The following KLHL1 variants were observed in gnomAD, a reference collection of about 807,000 sequenced individuals.
KLHL1 encodes the protein kelch like family member 1.
Under a neutral mutation model 77.7 loss-of-function variants are expected in KLHL1, and 47 were observed. The ratio of observed to expected loss-of-function variants is 0.60; its 90% CI spans 0.48 to 0.77. The LOEUF is 0.77. KLHL1 is among the 30% of genes least tolerant of loss of function. The pLI, the probability that KLHL1 is intolerant of heterozygous loss-of-function variation, is 0.00. For missense variants in KLHL1, 925 were observed against 910.8 expected, an observed-to-expected ratio of 1.02 and a Z score of -0.20; for synonymous variants, 360 against 325.2, an observed-to-expected ratio of 1.11 and a Z score of -1.15.
intron 5 of KLHL1, among the ~76,000 whole-genome samples, chr13:69,861,692 G>A (rs1880167136): frequency 6.7e-6 from 1 of 148,434 alleles, no homozygotes; most frequent in Admixed American, 6.9e-5. Context: ...GCTCACGCCT[G>A]TAATCCCAGC....
intron 3 of KLHL1, among the ~76,000 whole-genome samples, chr13:69,954,251 T>A (rs998341249): frequency 6.6e-6 from 1 of 151,058 alleles, no homozygotes; most frequent in African/African-American, 2.4e-5. Flanking sequence ...TAGTGTTAAG[T>A]TCTACACACT....
chr13:69,929,841 A>G (rs1566413411), intron 4 of KLHL1, among the ~76,000 whole-genome samples: 1 of 151,870 alleles, frequency 6.6e-6, no homozygotes, highest in African/African-American at 2.4e-5. Flanking sequence ...AAATAAAACA[A>G]TGGCAACTCT....
intron 1 of KLHL1, among the ~76,000 whole-genome samples, chr13:70,069,427 GT>G (rs1887088330): frequency 6.6e-6 from 1 of 152,140 alleles, no homozygotes; most frequent in East Asian, 1.9e-4. Flanking sequence ...AATCATGTAT[GT>G]CTTTTAACAA....
At chr13:70,024,435 C>T (rs182826111) in intron 1 of KLHL1, among the ~76,000 whole-genome samples, 13 of 151,836 alleles carry the variant, frequency 8.6e-5, no homozygotes, top group African/African-American at 2.9e-4. Flanking sequence ...TGTTTTTCAC[C>T]AGGATAAAAT....
intron 1 of KLHL1, among the ~76,000 whole-genome samples, chr13:70,100,886 T>C (rs1887908161): frequency 6.6e-6 from 1 of 152,170 alleles, no homozygotes; most frequent in Non-Finnish European, 1.5e-5. Flanking sequence ...GTATTGGTCA[T>C]GACATTGAGA....
chr13:70,041,132 AT>A (rs546047839), intron 1 of KLHL1, among the ~76,000 whole-genome samples: 6 of 151,932 alleles, frequency 3.9e-5, no homozygotes, highest in Admixed American at 2.0e-4. Context: ...ATTTTAAAAA[AT>A]TTTTTTTATT....
intron 1 of KLHL1, among the ~76,000 whole-genome samples, chr13:69,986,105 A>C (rs1884863077): frequency 6.6e-6 from 1 of 151,630 alleles, no homozygotes. Context: ...CTATGTTCTC[A>C]CTTATGTGTA....
chr13:70,061,080 G>A (rs112632313), intron 1 of KLHL1, among the ~76,000 whole-genome samples: 4 of 152,132 alleles, frequency 2.6e-5, no homozygotes, highest in African/African-American at 9.6e-5. Context: ...AGGCTGGGAG[G>A]GGTCACTGGG....
chr13:69,930,609 C>A (rs1882969605), intron 4 of KLHL1, among the ~76,000 whole-genome samples: 1 of 151,910 alleles, frequency 6.6e-6, no homozygotes, highest in Non-Finnish European at 1.5e-5. Flanking sequence ...TACAACAAAG[C>A]AAACTTAACT....
intron 1 of KLHL1, among the ~76,000 whole-genome samples, chr13:70,066,716 G>A (rs1009811581): frequency 2.0e-5 from 3 of 152,164 alleles, no homozygotes; most frequent in Admixed American, 1.3e-4. Context: ...CCTTGTCAAT[G>A]TCAAAGCTGG....
intron 1 of KLHL1, among the ~76,000 whole-genome samples, chr13:70,019,889 A>G (rs979005149): frequency 1.3e-5 from 2 of 152,128 alleles, no homozygotes; most frequent in Admixed American, 1.3e-4. Flanking sequence ...TAGGTCATGA[A>G]GGCTCCATCC....
chr13:69,933,479 G>A (rs1883070596), intron 4 of KLHL1, among the ~76,000 whole-genome samples: 1 of 152,098 alleles, frequency 6.6e-6, no homozygotes, highest in Admixed American at 6.6e-5. Flanking sequence ...CATGAAACAT[G>A]TCGGGTATTT....
chr13:69,722,711 T>C (rs573850099), intron 8 of KLHL1, among the ~76,000 whole-genome samples: 180 of 152,084 alleles, frequency 1.2e-3, no homozygotes, highest in Middle Eastern at 3.4e-3. Context: ...GCAATGTAAA[T>C]TAGGAAAACC....
intron 1 of KLHL1, among the ~76,000 whole-genome samples, chr13:69,994,510 A>T (rs769682191): frequency 8.5e-5 from 13 of 152,078 alleles, no homozygotes; most frequent in Non-Finnish European, 1.8e-4. Context: ...CTATAGGCTT[A>T]CTCCTTCTAT....
intron 6 of KLHL1, among the ~76,000 whole-genome samples, chr13:69,801,727 C>T (rs1017953362): frequency 1.3e-5 from 2 of 151,294 alleles, no homozygotes; most frequent in African/African-American, 2.4e-5. Flanking sequence ...ATATTTATGT[C>T]CAATTTTATA....
intron 7 of KLHL1, among the ~76,000 whole-genome samples, chr13:69,773,789 C>A (rs1256134813): frequency 6.6e-6 from 1 of 151,400 alleles, no homozygotes. Flanking sequence ...CTATTACATG[C>A]AAAGCAATGT....
intron 4 of KLHL1, among the ~76,000 whole-genome samples, chr13:69,916,183 G>C (rs1344943844): frequency 4.7e-5 from 7 of 150,024 alleles, no homozygotes; most frequent in Non-Finnish European, 8.9e-5. Flanking sequence ...TCAGTGTGGC[G>C]ATTCCTCAGG....
chr13:70,013,793 C>A (rs1885594454), intron 1 of KLHL1, among the ~76,000 whole-genome samples: 1 of 151,972 alleles, frequency 6.6e-6, no homozygotes, highest in Non-Finnish European at 1.5e-5. Flanking sequence ...ACAGTCTGAG[C>A]TATATTAAAA....
chr13:70,002,503 A>G (rs998015111), intron 1 of KLHL1, among the ~76,000 whole-genome samples: 7 of 151,598 alleles, frequency 4.6e-5, no homozygotes, highest in Non-Finnish European at 1.0e-4. Flanking sequence ...TTGTAGTCCC[A>G]GGAGGCAAGG....
Sources: gnomAD v4.1 joint callset for allele counts (sites outside exome capture counted in the v4.1 genomes callset) on GRCh38, gnomAD v4.1.1 for gene constraint, MANE v1.5 for transcripts, NCBI Gene and HGNC (gene_info 2026-07-23, HGNC 2026-07-21) for gene names.